The following STIMATE variants were observed in gnomAD, a reference collection of about 807,000 sequenced individuals.
STIMATE encodes STIM activating enhancer.
Under a neutral mutation model 36.7 loss-of-function variants are expected in STIMATE, and 15 were observed. That is an observed-to-expected ratio of 0.41 (90% CI 0.27 to 0.63). STIMATE has a LOEUF of 0.63. Among genes scored for constraint, STIMATE ranks in the 20% least tolerant of loss-of-function variants. The pLI is 0.32. For synonymous variants in STIMATE, 163 were observed against 162.3 expected, an observed-to-expected ratio of 1.00 and a Z score of -0.03; for missense variants, 305 against 397.3, an observed-to-expected ratio of 0.77 and a Z score of 1.98.
At chr3:52,895,792 G>T in intron 1 of STIMATE, 1 of 1,046,618 alleles carries the variant, frequency 9.6e-7, no homozygotes, top group South Asian at 1.4e-5. Context: ...GGGAGCAAAA[G>T]AAAAATTTAA....
chr3:52,893,900 G>A (rs1230098237), intron 1 of STIMATE, among the ~76,000 whole-genome samples: 1 of 152,182 alleles, frequency 6.6e-6, no homozygotes, highest in Non-Finnish European at 1.5e-5. Context: ...CATGTCCTGA[G>A]AGCAAACACC....
intron 1 of STIMATE, among the ~76,000 whole-genome samples, chr3:52,856,636 A>C (rs1701102281): frequency 6.6e-6 from 1 of 152,080 alleles, no homozygotes; most frequent in Non-Finnish European, 1.5e-5. Context: ...GTGAGCCAAG[A>C]CTGCACCATT....
chr3:52,865,028 CCTCTGCCTCCCGGGTTCAAGCAATTCT>C (rs1575337082), intron 1 of STIMATE, among the ~76,000 whole-genome samples: 1 of 151,764 alleles, frequency 6.6e-6, no homozygotes, highest in East Asian at 1.9e-4. Context: ...CTCACTGCAA[CCTCTGCCTCCCGGGTTCAAGCAATTCT>C]CTTGCCTCAG....
intron 1 of STIMATE, among the ~76,000 whole-genome samples, chr3:52,878,940 G>A (rs1236097917): frequency 6.6e-6 from 1 of 152,200 alleles, no homozygotes; most frequent in Non-Finnish European, 1.5e-5. Flanking sequence ...GTGCACGGAT[G>A]TTGCGATAGC....
At chr3:52,840,670 T>G in intron 7 of STIMATE, 60 bp from the exon 8 acceptor site, 1 of 1,423,396 alleles carries the variant, frequency 7.0e-7, no homozygotes. Context: ...TCATTTGCCC[T>G]CCCTGGACCC....
intron 1 of STIMATE, among the ~76,000 whole-genome samples, chr3:52,865,470 T>C (rs1000929697): frequency 6.6e-5 from 10 of 152,188 alleles, no homozygotes; most frequent in Admixed American, 5.9e-4. Flanking sequence ...TAGTTCCACA[T>C]GGCTGGGGAG....
chr3:52,889,624 G>A (rs971620186), intron 1 of STIMATE, among the ~76,000 whole-genome samples: 1 of 152,142 alleles, frequency 6.6e-6, no homozygotes, highest in African/African-American at 2.4e-5. Flanking sequence ...AGGACTAAAT[G>A]CCCAAGCCTG....
At chr3:52,844,323 C>A (rs1480806096) in intron 5 of STIMATE, among the ~76,000 whole-genome samples, 2 of 152,224 alleles carry the variant, frequency 1.3e-5, no homozygotes, top group African/African-American at 2.4e-5. Flanking sequence ...TCTGGCTGGT[C>A]TCATGTGGGC....
chr3:52,894,010 C>T (rs1575354036), intron 1 of STIMATE, among the ~76,000 whole-genome samples: 1 of 152,216 alleles, frequency 6.6e-6, no homozygotes. Context: ...GACTGCTTAG[C>T]TCTGTTCTGC....
At chr3:52,850,454 C>CAAAAAT (rs1700978847) in intron 3 of STIMATE, among the ~76,000 whole-genome samples, 1 of 32,682 alleles carries the variant, frequency 3.1e-5, no homozygotes. Flanking sequence ...AAAACAAAAA[C>CAAAAAT]CTGCCAGTGC....
At chr3:52,860,341 G>A (rs942029458) in intron 1 of STIMATE, among the ~76,000 whole-genome samples, 11 of 151,992 alleles carry the variant, frequency 7.2e-5, no homozygotes, top group African/African-American at 1.9e-4. Context: ...GGGCTGGCAC[G>A]TGGGGTCTGA....
At chr3:52,896,397 T>C (rs1302803979) in intron 1 of STIMATE, among the ~76,000 whole-genome samples, 1 of 152,088 alleles carries the variant, frequency 6.6e-6, no homozygotes, top group Non-Finnish European at 1.5e-5. Context: ...CTCCTAGGCT[T>C]ACATGTCGAG....
chr3:52,875,121 T>C (rs753165333), intron 1 of STIMATE, among the ~76,000 whole-genome samples: 7 of 152,228 alleles, frequency 4.6e-5, no homozygotes, highest in Non-Finnish European at 8.8e-5. Flanking sequence ...TGCTCCTGTA[T>C]GCTAACAGGC....
At chr3:52,861,455 T>G (rs956690024) in intron 1 of STIMATE, among the ~76,000 whole-genome samples, 1 of 151,980 alleles carries the variant, frequency 6.6e-6, no homozygotes, top group Non-Finnish European at 1.5e-5. Context: ...AAAGGAGGAG[T>G]GGTCAACAGC....
At chr3:52,856,364 C>G (rs926367714) in intron 1 of STIMATE, among the ~76,000 whole-genome samples, 2 of 152,134 alleles carry the variant, frequency 1.3e-5, no homozygotes, top group Non-Finnish European at 2.9e-5. Flanking sequence ...AAGTCAAAGA[C>G]ATGTTGGGAC....
rs9856485 is a variant in STIMATE, at chr3:52,838,675, G to C, written c.*1819C>G. The C allele has an allele frequency of 2.6e-5, 4 of 152,242 alleles. No homozygotes were observed. Among genetic ancestry groups the C allele is most frequent in the Non-Finnish European group, 5.9e-5 (4 of 68,070 alleles). 9.4% of individuals were successfully genotyped at this position (152,242 alleles called of 1,614,324 possible). A position where few individuals can be genotyped will look rare whatever the true frequency, so the allele number is the denominator to read the frequency against. The stretch of plus-strand genomic sequence containing the variant: ...CAGTCCCTGCTCCTCTCAGCACCCT[G>C]GCTCTGCACTCCTGGTGGAAGATGG... On this transcript the variant is annotated 3_prime_UTR_variant, in exon 8 of 8. Coordinates refer to ENST00000355083, the MANE Select transcript of STIMATE (RefSeq NM_198563.5).
intron 1 of STIMATE, among the ~76,000 whole-genome samples, chr3:52,873,822 C>G (rs1404922900): frequency 1.3e-5 from 2 of 152,180 alleles, no homozygotes; most frequent in Non-Finnish European, 2.9e-5. Flanking sequence ...GAGCCAGTAT[C>G]CTGGGCAGCT....
intron 2 of STIMATE, 73 bp downstream of exon 2, chr3:52,855,323 A>ACC: frequency 6.5e-7 from 1 of 1,546,732 alleles, no homozygotes; most frequent in Non-Finnish European, 8.8e-7. Flanking sequence ...CCAACACCAT[A>ACC]CCCCACCCCC....
At chr3:52,869,909 T>C (rs998949955) in intron 1 of STIMATE, among the ~76,000 whole-genome samples, 1 of 152,324 alleles carries the variant, frequency 6.6e-6, no homozygotes, top group East Asian at 1.9e-4. Context: ...GAAGAAATTA[T>C]AGTATACAGC....
Sources: gnomAD v4.1 joint callset for allele counts (sites outside exome capture counted in the v4.1 genomes callset) on GRCh38, gnomAD v4.1.1 for gene constraint, MANE v1.5 for transcripts, NCBI Gene and HGNC (gene_info 2026-07-23, HGNC 2026-07-21) for gene names.